The following LAMA3 variants were observed in gnomAD, a reference collection of about 807,000 sequenced individuals.
The protein encoded by LAMA3 is laminin subunit alpha 3, also known as laminin subunit alpha-3.
In LAMA3, 281 loss-of-function variants were observed where a neutral mutation model predicts 402.0. The observed-to-expected ratio is 0.70, with a 90% CI of 0.63 to 0.77. LAMA3 has a LOEUF of 0.77. Among genes scored for constraint, LAMA3 ranks in the 30% least tolerant of loss-of-function variants. The pLI, the probability that LAMA3 is intolerant of heterozygous loss-of-function variation, is 0.00. For synonymous variants in LAMA3, 1,431 were observed against 1,558.4 expected (o/e 0.92, Z 1.93); for missense variants, 3,840 against 4,215.5 (o/e 0.91, Z 2.47).
chr18:23,941,010 A>G (rs2082488207), intron 68 of LAMA3, among the ~76,000 whole-genome samples: 1 of 148,718 alleles, frequency 6.7e-6, no homozygotes, highest in Admixed American at 6.8e-5. Context: ...GACTTGGCTC[A>G]CTGCAACTTC....
At chr18:23,770,687 G>A (rs1278147225) in intron 8 of LAMA3, among the ~76,000 whole-genome samples, 1 of 152,198 alleles carries the variant, frequency 6.6e-6, no homozygotes, top group Non-Finnish European at 1.5e-5. Flanking sequence ...CGTGAACCCG[G>A]GAGGCAGAGG....
At chr18:23,875,122 C>T (rs2064664906) in intron 38 of LAMA3, among the ~76,000 whole-genome samples, 1 of 152,176 alleles carries the variant, frequency 6.6e-6, no homozygotes, top group South Asian at 2.1e-4. Flanking sequence ...GCCTCGGCCT[C>T]CCAAAGTGCT....
chr18:23,786,118 T>G (rs1378692364), intron 12 of LAMA3, among the ~76,000 whole-genome samples: 1 of 152,202 alleles, frequency 6.6e-6, no homozygotes, highest in Non-Finnish European at 1.5e-5. Flanking sequence ...CATAAGAGCA[T>G]ATAGCAAATG....
chr18:23,792,464 C>T (rs554754106), intron 12 of LAMA3, among the ~76,000 whole-genome samples: 8 of 152,102 alleles, frequency 5.3e-5, no homozygotes, highest in African/African-American at 1.2e-4. Context: ...CCCACTCTCA[C>T]GGTAACTAAT....
chr18:23,762,087 G>A (rs779651416), intron 7 of LAMA3, among the ~76,000 whole-genome samples: 4 of 152,224 alleles, frequency 2.6e-5, no homozygotes, highest in African/African-American at 7.2e-5. Flanking sequence ...ATGATGGCAC[G>A]TGTCTGTGGT....
At chr18:23,769,796 A>C (rs1214812294) in intron 8 of LAMA3, among the ~76,000 whole-genome samples, 3 of 152,252 alleles carry the variant, frequency 2.0e-5, no homozygotes, top group African/African-American at 7.2e-5. Context: ...TAATGGACTA[A>C]ACACTCCAAT....
At chr18:23,691,389 C>T (rs1459846034) in intron 1 of LAMA3, among the ~76,000 whole-genome samples, 1 of 151,684 alleles carries the variant, frequency 6.6e-6, no homozygotes, top group Non-Finnish European at 1.5e-5. Context: ...TATTATAAAA[C>T]ATGCAAGAAA....
intron 40 of LAMA3, among the ~76,000 whole-genome samples, chr18:23,882,743 C>T (rs192411811): frequency 6.6e-6 from 1 of 152,278 alleles, no homozygotes; most frequent in Admixed American, 6.5e-5. Flanking sequence ...CATGACAGGG[C>T]CAGGCCTCAG....
At chr18:23,718,976 T>A (rs1199123901) in intron 2 of LAMA3, among the ~76,000 whole-genome samples, 1 of 152,214 alleles carries the variant, frequency 6.6e-6, no homozygotes, top group East Asian at 1.9e-4. Flanking sequence ...GGGCCAGTTC[T>A]AAAGTGCCTT....
chr18:23,740,476 T>C (rs1325733181), intron 2 of LAMA3, among the ~76,000 whole-genome samples: 1 of 152,174 alleles, frequency 6.6e-6, no homozygotes, highest in Non-Finnish European at 1.5e-5. Context: ...CCCAAATCTT[T>C]AGACTGAGTT....
At chr18:23,899,838 C>G (rs1237939746) in intron 47 of LAMA3, 1 of 187,606 alleles carries the variant, frequency 5.3e-6, no homozygotes, top group Non-Finnish European at 1.1e-5. Context: ...AGCACTACTA[C>G]AGATTGAGTT....
chr18:23,784,260 A>G (rs1393813433), intron 12 of LAMA3, 103 bp downstream of exon 12: 1 of 1,376,588 alleles, frequency 7.3e-7, no homozygotes, highest in East Asian at 2.3e-5. Flanking sequence ...CTTGCAGTTT[A>G]ATAAATGGGC....
At chr18:23,730,458 C>G (rs1453565473) in intron 2 of LAMA3, among the ~76,000 whole-genome samples, 1 of 151,162 alleles carries the variant, frequency 6.6e-6, no homozygotes, top group Admixed American at 6.6e-5. Flanking sequence ...ACCTCTGCCT[C>G]CCGGGCTCAA....
At chr18:23,858,213 G>A (rs1401198006) in intron 33 of LAMA3, among the ~76,000 whole-genome samples, 5 of 152,120 alleles carry the variant, frequency 3.3e-5, no homozygotes, top group East Asian at 3.9e-4. Context: ...ATCTGATGAC[G>A]GATATAGACC....
At chr18:23,812,335 C>T (rs1474208905) in intron 13 of LAMA3, among the ~76,000 whole-genome samples, 1 of 152,116 alleles carries the variant, frequency 6.6e-6, no homozygotes, top group Non-Finnish European at 1.5e-5. Flanking sequence ...GAGCAAGACC[C>T]TGTCTCAAAA....
intron 1 of LAMA3, among the ~76,000 whole-genome samples, chr18:23,691,132 T>G (rs1189036681): frequency 6.6e-6 from 1 of 152,024 alleles, no homozygotes; most frequent in Non-Finnish European, 1.5e-5. Context: ...TTTTGGAGCT[T>G]GGGTTCTAAA....
chr18:23,887,760 G>T (rs562219601), intron 41 of LAMA3, among the ~76,000 whole-genome samples: 4 of 152,294 alleles, frequency 2.6e-5, no homozygotes, highest in African/African-American at 9.6e-5. Context: ...TTTCGCAAAG[G>T]CTTTCCAGCC....
chr18:23,866,034 T>G (rs1231284332), intron 36 of LAMA3, among the ~76,000 whole-genome samples: 1 of 152,254 alleles, frequency 6.6e-6, no homozygotes, highest in African/African-American at 2.4e-5. Flanking sequence ...GGTTTCACCA[T>G]GTTGGCCAGG....
intron 2 of LAMA3, among the ~76,000 whole-genome samples, chr18:23,734,359 C>T (rs1252701485): frequency 1.3e-5 from 2 of 152,202 alleles, no homozygotes; most frequent in Admixed American, 6.5e-5. Context: ...CCGGACAATA[C>T]AGCCTCCATC....
Sources: allele counts gnomAD v4.1 joint callset (sites outside exome capture counted in the v4.1 genomes callset), GRCh38; gene constraint gnomAD v4.1.1; transcripts MANE v1.5; gene names NCBI Gene and HGNC (gene_info 2026-07-23, HGNC 2026-07-21).